Variants in C4orf50 observed in about 807,000 individuals in gnomAD.
C4orf50 encodes uncharacterized protein C4orf50.
In C4orf50, 80 loss-of-function variants were observed where a neutral mutation model predicts 77.2. That is an observed-to-expected ratio of 1.04 (90% confidence interval 0.87 to 1.25). C4orf50 has a LOEUF of 1.25. Ranked by LOEUF, C4orf50 falls within the 50% of genes most tolerant of loss-of-function variation. The pLI, the probability that C4orf50 is intolerant of heterozygous loss-of-function variation, is 0.00. For missense variants in C4orf50, 1,257 were observed against 1,152.9 expected (o/e 1.09, Z -1.31); for synonymous variants, 532 against 465.3 (o/e 1.14, Z -1.84).
At chr4:5,928,487 G>T (rs1717621536) in intron 7 of C4orf50, among the ~76,000 whole-genome samples, 1 of 152,170 alleles carries the variant, frequency 6.6e-6, no homozygotes, top group Non-Finnish European at 1.5e-5. Flanking sequence ...TGTTTGTTCT[G>T]ACCAAGTGCT....
chr4:5,960,071 C>G (rs1431731570), intron 33 of C4orf50, among the ~76,000 whole-genome samples: 24 of 152,222 alleles, frequency 1.6e-4, no homozygotes. Context: ...TCTTACTTGC[C>G]TTCACTTAGT....
rs552968237 is a variant in C4orf50 at position 6,000,913 on chromosome 4, A to T, written c.964-6437T>A. Among the ~76,000 whole-genome samples, 6 of 152,222 alleles carry T rather than the reference A, an allele frequency of 3.9e-5. No individual in the cohort carries two copies. Among genetic ancestry groups the T allele is most frequent in the African/African-American group, 1.4e-4 (6 of 41,532 alleles). ...CGTTAAAACCCATATCCCCAAAGGG[A>T]TGTTATTAGGAAGCGGTGCTGAGTC... On this transcript the variant is annotated intron_variant, in intron 25 of 33. Transcript: ENST00000531445. This position sits in a 1 kb window ranked among gnomAD's most constrained non-coding sequence, Gnocchi z 6.0.
intron 7 of C4orf50, among the ~76,000 whole-genome samples, chr4:5,936,648 A>T (rs183789741): frequency 2.8e-3 from 165 of 59,734 alleles, no homozygotes; most frequent in Admixed American, 5.3e-3. Flanking sequence ...GAAAAAATTG[A>T]GTCAGTCTAA....
chr4:6,015,684 G>A lies in C4orf50; in HGVS notation c.287+2461C>T, dbSNP rs184441609. ...GAATCAGTCTTCCTGAGCTAGTCGA[G>A]CTGTCAGTGGAGCCAAGCCCTCTCC... On this transcript the variant is annotated intron_variant, in intron 23 of 33. Transcript: ENST00000531445. This position sits in a 1 kb window ranked among gnomAD's most constrained non-coding sequence, Gnocchi z 4.4. Among the ~76,000 whole-genome samples the A allele has an allele frequency of 6.6e-6, 1 of 152,208 alleles. No homozygotes were observed. The highest frequency in any genetic ancestry group is 6.5e-5 in the Admixed American group (1 of 15,282).
chr4:5,915,980 A>G (rs1717013294), intron 7 of C4orf50, among the ~76,000 whole-genome samples: 1 of 152,214 alleles, frequency 6.6e-6, no homozygotes, highest in Non-Finnish European at 1.5e-5. Flanking sequence ...TGCAGGCACA[A>G]TTTGGCTGCT....
At chr4:5,936,030 T>C (rs184186411) in intron 7 of C4orf50, among the ~76,000 whole-genome samples, 247 of 152,228 alleles carry the variant, frequency 1.6e-3, no homozygotes, top group African/African-American at 5.8e-3. Context: ...GAGCTTTATC[T>C]ATATGGATTT....
intron 7 of C4orf50, among the ~76,000 whole-genome samples, chr4:5,907,558 A>C (rs1445708271): frequency 6.6e-6 from 1 of 152,228 alleles, no homozygotes; most frequent in Non-Finnish European, 1.5e-5. Flanking sequence ...TCTACAGGCG[A>C]GCTAAACAGT....
chr4:5,965,252 A>G, intron 32 of C4orf50, 107 bp from the exon 11 acceptor site: 1 of 1,217,916 alleles, frequency 8.2e-7, no homozygotes, highest in Non-Finnish European at 1.1e-6. Context: ...CCATTCCCAG[A>G]TCATTCCCAG....
chr4:5,929,177 A>G (rs76031938), intron 7 of C4orf50, among the ~76,000 whole-genome samples: 3,524 of 152,324 alleles, frequency 0.023, 118 homozygotes, highest in African/African-American at 0.071. Flanking sequence ...ATTATAAATC[A>G]TAGCACGATA....
At chr4:5,989,998 G>A in exon 28 of C4orf50, 1 of 1,402,196 alleles carries the variant, frequency 7.1e-7, no homozygotes, top group South Asian at 1.8e-5. Context: ...ACTGTCTGTT[G>A]GCCATGGCTC....
chr4:5,897,968 G>C (rs911261934), exon 8 of C4orf50: 1 of 152,224 alleles, frequency 6.6e-6, no homozygotes, highest in African/African-American at 2.4e-5. Flanking sequence ...GCAGGACTTG[G>C]CCTGCCAACA....
intron 33 of C4orf50, 134 bp downstream of exon 11, chr4:5,964,890 G>A (rs891192931): frequency 6.2e-5 from 43 of 694,194 alleles, no homozygotes; most frequent in Non-Finnish European, 8.7e-5. Context: ...TTCGGGAGTC[G>A]ATTGTGTTCT....
intron 7 of C4orf50, among the ~76,000 whole-genome samples, chr4:5,934,850 C>T (rs1314682432): frequency 6.6e-6 from 1 of 152,218 alleles, no homozygotes. Flanking sequence ...CTTTCTATAG[C>T]CTGAGATGCA....
rs1188590218 is a variant in C4orf50 at position 6,009,077 on chromosome 4, C to T, written c.427-545G>A. Among the ~76,000 whole-genome samples, 4 of 152,218 alleles carry T rather than the reference C, an allele frequency of 2.6e-5. No individual in the cohort carries two copies. Among genetic ancestry groups the T allele is most frequent in the African/African-American group, 4.8e-5 (2 of 41,454 alleles). On this transcript the variant is annotated intron_variant, in intron 24 of 33. Coordinates refer to ENST00000531445, the Ensembl canonical transcript of C4orf50. The surrounding 1 kb of genome is among the most constrained non-coding windows in gnomAD (Gnocchi z 5.6). The stretch of plus-strand genomic sequence containing the variant: ...ACTCCACCTGGAGGGAGGTACGTTA[C>T]TAGCCTGAGAGACACTCAGGAGTGA...
Position 5,932,527 on chromosome 4 carries a change from C to G in C4orf50, c.*2474+24374G>C, listed in dbSNP as rs1297874017. 6.6e-6 allele frequency among the ~76,000 whole-genome samples: 1 copy of G among 152,222 alleles called. No individual in the cohort carries two copies. Among genetic ancestry groups the G allele is most frequent in the Non-Finnish European group, 1.5e-5 (1 of 68,038 alleles). ...CACAGTTCACTGCAGCCTCGACCTCCCAGGCTCAATTGATCCTCCCGCCTC... is the reference window on the plus strand; with the variant it reads ...CACAGTTCACTGCAGCCTCGACCTCGCAGGCTCAATTGATCCTCCCGCCTC... On this transcript the variant is annotated intron_variant, in intron 7 of 7. Coordinates refer to the C4orf50 transcript ENST00000324058. This position sits in a 1 kb window ranked among gnomAD's most constrained non-coding sequence, Gnocchi z 4.2.
chr4:6,004,085 A>AGTGATGATGGTGATG (rs1722042760), intron 25 of C4orf50, among the ~76,000 whole-genome samples: 1 of 23,792 alleles, frequency 4.2e-5, no homozygotes, highest in South Asian at 1.6e-3. Flanking sequence ...ATGATGTGAT[A>AGTGATGATGGTGATG]GTGATGATGG....
At chr4:5,911,417 G>T (rs927778392) in intron 7 of C4orf50, among the ~76,000 whole-genome samples, 3 of 152,210 alleles carry the variant, frequency 2.0e-5, no homozygotes, top group South Asian at 4.1e-4. Flanking sequence ...AATGAGACTT[G>T]CTAGAATGTG....
chr4:6,005,612 T>C (rs1304431502), intron 25 of C4orf50, among the ~76,000 whole-genome samples: 1 of 152,194 alleles, frequency 6.6e-6, no homozygotes, highest in Non-Finnish European at 1.5e-5. Flanking sequence ...GTGCCTGTGA[T>C]GATGTCACTT....
At chr4:5,980,427 C>G (rs1286725903) in intron 28 of C4orf50, 89 bp from the exon 7 acceptor site, 1 of 1,219,162 alleles carries the variant, frequency 8.2e-7, no homozygotes, top group South Asian at 1.5e-5. Flanking sequence ...TTCCCCACTC[C>G]GTAGTTTTTT....
Sources: allele counts gnomAD v4.1 joint callset (sites outside exome capture counted in the v4.1 genomes callset), GRCh38; gene constraint gnomAD v4.1.1; non-coding constraint Gnocchi (gnomAD v3.1); transcripts MANE v1.5; gene names NCBI Gene and HGNC (gene_info 2026-07-23, HGNC 2026-07-21).